The following PATE1 variants were observed in gnomAD, a reference collection of about 807,000 sequenced individuals.
PATE1 encodes the protein prostate and testis expressed protein 1.
In PATE1, 21 loss-of-function variants were observed where a neutral mutation model predicts 13.1. That is an observed-to-expected ratio of 1.61 (90% CI 1.14 to 2.31). The LOEUF is 2.31. PATE1 is among the 30% of genes most tolerant of loss of function. The pLI is 0.00. For missense variants in PATE1, 166 were observed against 147.2 expected, an observed-to-expected ratio of 1.13 and a Z score of -0.66; for synonymous variants, 52 against 47.1, an observed-to-expected ratio of 1.10 and a Z score of -0.43.
intron 4 of PATE1, 183 bp downstream of exon 4, chr11:125,748,005 G>A: frequency 1.1e-6 from 1 of 870,496 alleles, no homozygotes; most frequent in Non-Finnish European, 1.7e-6. Context: ...TCACTAAGGA[G>A]GGTGGGGGCC....
In PATE1 at chr11:125,748,743, G is replaced by A; in HGVS notation, c.*10G>A. On this transcript the variant is annotated 3_prime_UTR_variant, in exon 5 of 5. Transcript: ENST00000305738. ...CAATGAAGACCTTTAGAAGTTAATG[G>A]TTCTTCTGTGACTCCAATTTCTGGG... 1 of 1,608,946 alleles carries A rather than the reference G, an allele frequency of 6.2e-7. No individual in the cohort carries two copies. Among genetic ancestry groups the A allele is most frequent in the Non-Finnish European group, 8.5e-7 (1 of 1,178,478 alleles).
At chr11:125,747,848 G>A (rs1324443513) in intron 4 of PATE1, 26 bp downstream of exon 4, 1 of 1,613,198 alleles carries the variant, frequency 6.2e-7, no homozygotes, top group South Asian at 1.1e-5. Context: ...GGGAAAAGAA[G>A]AACGGGCAGA....
chr11:125,748,484 A>C (rs976383258), intron 4 of PATE1, 116 bp from the exon 5 acceptor site: 54 of 1,241,416 alleles, frequency 4.3e-5, no homozygotes, highest in Non-Finnish European at 5.7e-5. Flanking sequence ...ACATTTGAAT[A>C]ACGGAGCTTT....
chr11:125,746,512 C>G (rs1013911717), intron 1 of PATE1, 149 bp from the exon 2 acceptor site: 3 of 1,291,148 alleles, frequency 2.3e-6, no homozygotes, highest in Non-Finnish European at 3.3e-6. Context: ...ATGTCATGTC[C>G]CCAGGACCTT....
chr11:125,748,024 A>T, intron 4 of PATE1: 1 of 676,672 alleles, frequency 1.5e-6, no homozygotes, highest in East Asian at 3.0e-5. Context: ...CCTACAGCTA[A>T]GGGATTAGCA....
chr11:125,748,822 A>T lies in PATE1; in HGVS notation c.*89A>T. The T allele has an allele frequency of 7.0e-7, 1 of 1,428,868 alleles. No individual in the cohort carries two copies. Among genetic ancestry groups the T allele is most frequent in the Non-Finnish European group, 9.6e-7 (1 of 1,047,112 alleles). 88.5% of individuals were successfully genotyped at this position (1,428,868 alleles called of 1,614,324 possible). On this transcript the variant is annotated 3_prime_UTR_variant, in exon 5 of 5. Transcript: ENST00000305738. ...TGACTTTCTAAAAAAAATCACACACACACACACACACACTACAGAAGAGGA... is the reference window on the plus strand; with the variant it reads ...TGACTTTCTAAAAAAAATCACACACTCACACACACACACTACAGAAGAGGA...
At chr11:125,748,444 C>T (rs1184868017) in intron 4 of PATE1, among the ~76,000 whole-genome samples, 156 bp from the exon 5 acceptor site, 1 of 152,148 alleles carries the variant, frequency 6.6e-6, no homozygotes, top group Non-Finnish European at 1.5e-5. Flanking sequence ...TTTTGGGAAG[C>T]CCCCAGCTTG....
In PATE1 at chr11:125,748,816, A is replaced by T. The variant is rs1591457117; in HGVS notation, c.*83A>T. 2.3e-6 allele frequency: 1 copy of T among 426,834 alleles called. No individual in the cohort carries two copies. The highest frequency in any genetic ancestry group is 7.2e-5 in the East Asian group (1 of 13,954). 26.4% of individuals were successfully genotyped at this position (426,834 alleles called of 1,614,324 possible). ...TCACAATGACTTTCTAAAAAAAATCACACACACACACACACACACTACAGA... is the reference window on the plus strand; with the variant it reads ...TCACAATGACTTTCTAAAAAAAATCTCACACACACACACACACACTACAGA... On this transcript the variant is annotated 3_prime_UTR_variant, in exon 5 of 5. Transcript: ENST00000305738.
chr11:125,748,760 A>G lies in PATE1; in HGVS notation c.*27A>G. The stretch of plus-strand genomic sequence containing the variant: ...AGTTAATGGTTCTTCTGTGACTCCA[A>G]TTTCTGGGTGAGGTTGTTGCCTCAG... On this transcript the variant is annotated 3_prime_UTR_variant, in exon 5 of 5. Transcript: ENST00000305738. 1 of 1,608,900 alleles carries G rather than the reference A, an allele frequency of 6.2e-7. No homozygotes were observed. Among genetic ancestry groups the G allele is most frequent in the Non-Finnish European group, 8.5e-7 (1 of 1,177,656 alleles).
chr11:125,748,556 T>G (rs1943301092), intron 4 of PATE1, 44 bp from the exon 5 acceptor site: 1 of 1,595,558 alleles, frequency 6.3e-7, no homozygotes, highest in Non-Finnish European at 8.5e-7. Flanking sequence ...TTAGCAGAAC[T>G]TTCATGGCCA....
rs2134165247 is a variant in PATE1 at position 125,748,119 on chromosome 11, TG to T, written c.247+298del. The T allele has an allele frequency of 3.5e-5, 13 of 375,262 alleles. No homozygotes were observed. In the South Asian group the frequency reaches 4.1e-4, roughly 12 times the overall value. 23.2% of individuals were successfully genotyped at this position (375,262 alleles called of 1,614,324 possible). A position where few individuals can be genotyped will look rare whatever the true frequency, so the allele number is the denominator to read the frequency against. Reference sequence around the variant, plus strand: ...CTATGCCCAATGGGTAACAGTGTGTTGTTGAGTTGTGGAGGGGGCTTTTGGT... The same window carrying T: ...CTATGCCCAATGGGTAACAGTGTGTTTTGAGTTGTGGAGGGGGCTTTTGGT... On this transcript the variant is annotated intron_variant, in intron 4 of 4. Coordinates refer to ENST00000305738, the MANE Select transcript of PATE1 (RefSeq NM_138294.3).
chr11:125,748,959 C>A lies in PATE1; in HGVS notation c.*226C>A. ...AAATAAATAACCTTGAGAGAAAGAA[C>A]AAGATCAATATATCCTGCAGGTTGC... is the stretch of plus-strand genomic sequence containing the variant. On this transcript the variant is annotated 3_prime_UTR_variant, in exon 5 of 5. Transcript: ENST00000305738. 1 of 478,318 alleles carries A rather than the reference C, an allele frequency of 2.1e-6. No homozygotes were observed. The highest frequency in any genetic ancestry group is 4.4e-5 in the South Asian group (1 of 22,702). The allele number at this position is 478,318 out of a possible 1,614,324, so 29.6% of individuals were successfully genotyped here. A position where few individuals can be genotyped will look rare whatever the true frequency, so the allele number is the denominator to read the frequency against.
At chr11:125,748,086 G>A (rs571970778) in intron 4 of PATE1, 73 of 461,304 alleles carry the variant, frequency 1.6e-4, no homozygotes, top group South Asian at 1.5e-3. Context: ...TAAGAGAATA[G>A]GTGTAATCTA....
In PATE1 at chr11:125,748,950, G is replaced by T; in HGVS notation, c.*217G>T. Reference sequence around the variant, plus strand: ...AAAATAAGTAAATAAATAACCTTGAGAGAAAGAACAAGATCAATATATCCT... The same window carrying T: ...AAAATAAGTAAATAAATAACCTTGATAGAAAGAACAAGATCAATATATCCT... On this transcript the variant is annotated 3_prime_UTR_variant, in exon 5 of 5. Transcript: ENST00000305738. 1 of 497,536 alleles carries T rather than the reference G, an allele frequency of 2.0e-6. No homozygotes were observed. Among genetic ancestry groups the T allele is most frequent in the Non-Finnish European group, 3.4e-6 (1 of 293,720 alleles). 30.8% of individuals were successfully genotyped at this position (497,536 alleles called of 1,614,324 possible). A position where few individuals can be genotyped will look rare whatever the true frequency, so the allele number is the denominator to read the frequency against.
In PATE1 at chr11:125,748,668, T is replaced by TGG; in HGVS notation, c.317_318dup (p.Ser107GlyfsTer6). 1 of 1,613,908 alleles carries TGG rather than the reference T, an allele frequency of 6.2e-7. No homozygotes were observed. Among genetic ancestry groups the TGG allele is most frequent in the Non-Finnish European group, 8.5e-7 (1 of 1,179,890 alleles). ...CTGTGCTGATGTGAAAGGCATAAGG[T>TGG]GGAGTGTCTATTTGGTGAACTTCAG... On this transcript the variant is annotated frameshift_variant, in exon 5 of 5. Transcript: ENST00000305738. LOFTEE classifies it high-confidence loss of function.
rs1943275212 is a variant in PATE1, at chr11:125,746,694, C to A, written c.86C>A (p.Ala29Glu). ...GGATCACTTTCAATGAGAAATGATG[C>A]AGGTGAGTAGGAATAGATAAGTGGT... ...LSGSLSMRNDAVNEIVAVKNN... is the reference protein window; with the variant it reads ...LSGSLSMRNDEVNEIVAVKNN... The change falls in exon 2 of 5, where the codon GCA (alanine) becomes GAA (glutamate). Residue 29 changes from alanine (A) to glutamate (E), a missense_variant and splice_region_variant. Physicochemically the swap from Ala to Glu is moderately radical, Grantham distance 107. Transcript: ENST00000305738. The A allele has an allele frequency of 6.2e-7, 1 of 1,612,822 alleles. No individual in the cohort carries two copies.
intron 4 of PATE1, 61 bp from the exon 5 acceptor site, chr11:125,748,539 A>C: frequency 1.3e-6 from 2 of 1,580,706 alleles, no homozygotes; most frequent in East Asian, 4.5e-5. Flanking sequence ...GTCTGGAGAA[A>C]AGTTTTTTAG....
Position 125,746,697 on chromosome 11 carries a change from G to T in PATE1, c.88+1G>T. 6.2e-7 allele frequency: 1 copy of T among 1,613,510 alleles called. No individual in the cohort carries two copies. Among genetic ancestry groups the T allele is most frequent in the Non-Finnish European group, 8.5e-7 (1 of 1,179,602 alleles). Reference sequence around the variant, plus strand: ...TCACTTTCAATGAGAAATGATGCAGGTGAGTAGGAATAGATAAGTGGTATG... The same window carrying T: ...TCACTTTCAATGAGAAATGATGCAGTTGAGTAGGAATAGATAAGTGGTATG... On this transcript the variant is annotated splice_donor_variant, in intron 2 of 4. Transcript: ENST00000305738. LOFTEE classifies it high-confidence loss of function.
intron 3 of PATE1, 114 bp from the exon 4 acceptor site, chr11:125,747,586 G>A: frequency 6.7e-7 from 1 of 1,496,206 alleles, no homozygotes; most frequent in Non-Finnish European, 9.1e-7. Flanking sequence ...CACGCTTGAT[G>A]GGCTCTGGCA....
Sources: gnomAD v4.1 joint callset for allele counts (sites outside exome capture counted in the v4.1 genomes callset) on GRCh38, gnomAD v4.1.1 for gene constraint, MANE v1.5 for transcripts, NCBI Gene and HGNC (gene_info 2026-07-23, HGNC 2026-07-21) for gene names.